PCDH11Y: variants seen among roughly 807,000 people sequenced by gnomAD.
PCDH11Y encodes protocadherin-11 Y-linked.
For synonymous variants in PCDH11Y, 9 were observed against 83.6 expected (o/e 0.11, Z 4.87); for missense variants, 12 against 224.8 (o/e 0.05, Z 6.05).
At chrY:5,024,738 T>C (rs2052576168) in intron 1 of PCDH11Y, among the ~76,000 whole-genome samples, 1 of 32,577 alleles carries the variant, frequency 3.1e-5, no homozygotes, top group South Asian at 6.8e-4. Flanking sequence ...ATCAGAAATT[T>C]TGCAAAATTT....
At chrY:5,374,509 C>T in intron 2 of PCDH11Y, among the ~76,000 whole-genome samples, 1 of 27,204 alleles carries the variant, frequency 3.7e-5, no homozygotes, top group Non-Finnish European at 8.5e-5. Context: ...AACCAAATTC[C>T]AAGGCATAAT....
chrY:5,467,867 C>A, intron 2 of PCDH11Y, among the ~76,000 whole-genome samples: 1 of 32,116 alleles, frequency 3.1e-5, no homozygotes, highest in South Asian at 7.0e-4. Context: ...GAAATAATAC[C>A]AAATTTAGCT....
chrY:5,373,702 A>C (rs2053193920), intron 2 of PCDH11Y, among the ~76,000 whole-genome samples: 1 of 29,886 alleles, frequency 3.3e-5, no homozygotes, highest in Non-Finnish European at 7.8e-5. Flanking sequence ...ATTGACATAC[A>C]TGTGTACTTA....
At chrY:5,322,600 G>A in intron 2 of PCDH11Y, among the ~76,000 whole-genome samples, 1 of 32,222 alleles carries the variant, frequency 3.1e-5, no homozygotes, top group Admixed American at 2.9e-4. Flanking sequence ...TGGATACAAG[G>A]TGCCGACTGC....
At chrY:5,353,096 G>A (rs2124670524) in intron 2 of PCDH11Y, among the ~76,000 whole-genome samples, 8 of 29,653 alleles carry the variant, frequency 2.7e-4, no homozygotes, top group Admixed American at 1.3e-3. Context: ...TCTGCCTCCC[G>A]GGTTCAAGTG....
intron 3 of PCDH11Y, among the ~76,000 whole-genome samples, chrY:5,548,259 G>T: frequency 3.1e-5 from 1 of 32,730 alleles, no homozygotes; most frequent in Non-Finnish European, 7.5e-5. Flanking sequence ...AATGATACAG[G>T]AGTTGAAAGC....
chrY:5,171,706 C>A (rs2052886775), intron 2 of PCDH11Y, among the ~76,000 whole-genome samples: 17 of 33,206 alleles, frequency 5.1e-4, no homozygotes. Context: ...ACCAAGGAAA[C>A]CTTAAGTCAA....
chrY:5,061,899 G>A (rs2052676067), intron 1 of PCDH11Y, among the ~76,000 whole-genome samples: 1 of 33,177 alleles, frequency 3.0e-5, no homozygotes, highest in Non-Finnish European at 7.4e-5. Flanking sequence ...ACATAGTCAA[G>A]ATGTTTGGGC....
intron 4 of PCDH11Y, among the ~76,000 whole-genome samples, chrY:5,699,903 A>G: frequency 3.0e-5 from 1 of 32,948 alleles, no homozygotes; most frequent in Admixed American, 2.7e-4. Context: ...TTGGTAACAC[A>G]ATCACTCACT....
chrY:5,412,600 G>A, intron 2 of PCDH11Y, among the ~76,000 whole-genome samples: 1 of 33,132 alleles, frequency 3.0e-5, no homozygotes, highest in Admixed American at 2.8e-4. Flanking sequence ...TTTGAAGCAG[G>A]CTCCTTCAAT....
chrY:5,532,834 T>C (rs2053396269), intron 3 of PCDH11Y, among the ~76,000 whole-genome samples: 1 of 20,915 alleles, frequency 4.8e-5, no homozygotes, highest in Non-Finnish European at 1.1e-4. Flanking sequence ...CCACCCTTTT[T>C]TTTTTTTTTT....
At chrY:5,397,524 G>A in intron 2 of PCDH11Y, among the ~76,000 whole-genome samples, 1 of 31,313 alleles carries the variant, frequency 3.2e-5, no homozygotes, top group South Asian at 7.4e-4. Flanking sequence ...ATCTTAGCAA[G>A]GAAGCATTAT....
At chrY:5,688,335 T>C (rs2053565434) in intron 4 of PCDH11Y, among the ~76,000 whole-genome samples, 1 of 30,483 alleles carries the variant, frequency 3.3e-5, no homozygotes, top group South Asian at 7.6e-4. Context: ...AGTGAAAGAG[T>C]ACAAAATTTT....
chrY:5,421,066 AC>A (rs2053257801), intron 2 of PCDH11Y, among the ~76,000 whole-genome samples: 1 of 29,393 alleles, frequency 3.4e-5, no homozygotes. Flanking sequence ...ACACACACAC[AC>A]ACACACACAC....
intron 2 of PCDH11Y, among the ~76,000 whole-genome samples, chrY:5,157,375 G>T (rs2052870561): frequency 3.2e-5 from 1 of 30,980 alleles, no homozygotes; most frequent in African/African-American, 1.3e-4. Context: ...ATCATAATGT[G>T]AACAATTAAC....
intron 1 of PCDH11Y, among the ~76,000 whole-genome samples, chrY:5,015,158 A>G: frequency 3.0e-5 from 1 of 33,893 alleles, no homozygotes; most frequent in Non-Finnish European, 7.3e-5. Context: ...TTCTTGAAAG[A>G]AGCCTTTACA....
intron 1 of PCDH11Y, among the ~76,000 whole-genome samples, chrY:5,074,082 A>C: frequency 3.0e-5 from 1 of 32,827 alleles, no homozygotes; most frequent in Non-Finnish European, 7.4e-5. Flanking sequence ...TTGAAGCTAG[A>C]TAATTCTTCC....
intron 2 of PCDH11Y, among the ~76,000 whole-genome samples, chrY:5,385,540 T>C: frequency 3.1e-5 from 1 of 32,608 alleles, no homozygotes; most frequent in Admixed American, 2.8e-4. Context: ...TATCCACTCG[T>C]TGAGTGATGG....
intron 2 of PCDH11Y, among the ~76,000 whole-genome samples, chrY:5,356,722 C>CA (rs2053166407): frequency 4.1e-4 from 9 of 21,733 alleles, no homozygotes; most frequent in East Asian, 1.2e-3. Flanking sequence ...ACTAAAAATA[C>CA]AAAAAAAAAA....
Sources: gnomAD v4.1 joint callset for allele counts (sites outside exome capture counted in the v4.1 genomes callset) on GRCh38, gnomAD v4.1.1 for gene constraint, MANE v1.5 for transcripts, NCBI Gene and HGNC (gene_info 2026-07-23, HGNC 2026-07-21) for gene names.